The following DOCK8 variants were observed in gnomAD, a reference collection of about 807,000 sequenced individuals.
The protein encoded by DOCK8 is dedicator of cytokinesis 8.
DOCK8 carries 141 observed loss-of-function variants against 245.6 expected under a neutral mutation model. The ratio of observed to expected loss-of-function variants is 0.57; its 90% CI spans 0.50 to 0.66. DOCK8 has a LOEUF of 0.66. Among genes scored for constraint, DOCK8 ranks in the 30% least tolerant of loss-of-function variants. DOCK8 has a pLI of 0.00. For missense variants in DOCK8, 2,965 were observed against 2,603.4 expected (o/e 1.14, Z -3.02); for synonymous variants, 1,168 against 970.2 (o/e 1.20, Z -3.79).
intron 2 of DOCK8, among the ~76,000 whole-genome samples, chr9:274,567 C>T (rs2048272211): frequency 1.4e-5 from 2 of 147,656 alleles, no homozygotes; most frequent in African/African-American, 2.5e-5. Flanking sequence ...GTTGTAATGT[C>T]AGAATGAAGT....
chr9:397,123 C>A (rs1198396512), intron 25 of DOCK8, among the ~76,000 whole-genome samples, 189 bp downstream of exon 25: 1 of 152,064 alleles, frequency 6.6e-6, no homozygotes, highest in Non-Finnish European at 1.5e-5. Flanking sequence ...ACAAATTACA[C>A]ACATGAGGCC....
intron 33 of DOCK8, among the ~76,000 whole-genome samples, chr9:426,018 AT>A (rs2056485923): frequency 6.6e-6 from 1 of 152,140 alleles, no homozygotes; most frequent in South Asian, 2.1e-4. Flanking sequence ...TGATATAATG[AT>A]ACCCCAACCC....
intron 1 of DOCK8, among the ~76,000 whole-genome samples, chr9:223,184 G>C (rs995148994): frequency 1.3e-5 from 2 of 152,142 alleles, no homozygotes; most frequent in African/African-American, 2.4e-5. Flanking sequence ...CTGTGATAGA[G>C]ACCAAAAATA....
intron 46 of DOCK8, among the ~76,000 whole-genome samples, chr9:462,153 T>C (rs1418974465): frequency 6.6e-6 from 1 of 152,208 alleles, no homozygotes; most frequent in African/African-American, 2.4e-5. Flanking sequence ...TAATTTTTTA[T>C]TGTGAGCTCA....
upstream of DOCK8, among the ~76,000 whole-genome samples, chr9:212,228 A>T (rs985246334): frequency 6.6e-6 from 1 of 152,204 alleles, no homozygotes; most frequent in Non-Finnish European, 1.5e-5. Flanking sequence ...TGTTCAATAA[A>T]ATAGGTAAGA....
At chr9:234,851 T>C (rs1192387847) in intron 1 of DOCK8, among the ~76,000 whole-genome samples, 6 of 152,172 alleles carry the variant, frequency 3.9e-5, no homozygotes, top group Non-Finnish European at 8.8e-5. Context: ...AATTTCCTCC[T>C]GTAGCTCAGA....
intron 1 of DOCK8, among the ~76,000 whole-genome samples, chr9:267,316 C>G (rs1007460681): frequency 1.3e-5 from 2 of 152,182 alleles, no homozygotes; most frequent in East Asian, 3.8e-4. Flanking sequence ...AGCAATCCTC[C>G]CACCTCAGCC....
At chr9:314,353 A>G (rs922741502) in intron 6 of DOCK8, 1 of 152,248 alleles carries the variant, frequency 6.6e-6, no homozygotes, top group Non-Finnish European at 1.5e-5. Context: ...GAAGAGAGAG[A>G]ACAATTAAAG....
intron 32 of DOCK8, 40 bp from the exon 33 acceptor site, chr9:422,007 CA>C (rs762377308): frequency 7.8e-6 from 12 of 1,529,364 alleles, no homozygotes; most frequent in Non-Finnish European, 1.1e-5. Context: ...TGGAGGGTTT[CA>C]TGCTAATCAA....
At chr9:346,910 G>A (rs773974632) in intron 14 of DOCK8, among the ~76,000 whole-genome samples, 4 of 151,932 alleles carry the variant, frequency 2.6e-5, no homozygotes, top group Non-Finnish European at 5.9e-5. Context: ...TTAGGAAGAG[G>A]GGCAGGACAT....
At chr9:263,818 G>T (rs1256834446) in intron 1 of DOCK8, among the ~76,000 whole-genome samples, 1 of 152,160 alleles carries the variant, frequency 6.6e-6, no homozygotes, top group Non-Finnish European at 1.5e-5. Context: ...AGTTAATTTT[G>T]TTGGTTGCAT....
Position 300,338 on chromosome 9 carries a change from C to T in DOCK8, c.405-4243C>T, listed in dbSNP as rs534444361. ...TTACTTTATCTATCTGGCATTTGATCTACCTAATACCTTCCAATATCACCT... is the reference window on the plus strand; with the variant it reads ...TTACTTTATCTATCTGGCATTTGATTTACCTAATACCTTCCAATATCACCT... On this transcript the variant is annotated intron_variant, in intron 4 of 47. Coordinates refer to ENST00000432829, the MANE Select transcript of DOCK8 (RefSeq NM_203447.4). Among the ~76,000 whole-genome samples, 18 of 152,222 alleles carry T rather than the reference C, an allele frequency of 1.2e-4. No individual in the cohort carries two copies. The South Asian group carries it at 3.1e-3, about 26-fold the overall frequency.
chr9:304,976 A>G (rs1286710167), intron 5 of DOCK8, among the ~76,000 whole-genome samples: 2 of 152,178 alleles, frequency 1.3e-5, no homozygotes, highest in African/African-American at 2.4e-5. Flanking sequence ...CATCCCTACG[A>G]CAGTTCCTGC....
chr9:315,610 T>C lies in DOCK8; in HGVS notation c.742-1433T>C, dbSNP rs1471492241. ...AGATATGTACTGAAATATTTATATA[T>C]GTATATGGTCTCTGGGAAGTTGCTT... On this transcript the variant is annotated intron_variant, in intron 6 of 47. Coordinates refer to ENST00000432829, the MANE Select transcript of DOCK8 (RefSeq NM_203447.4). Among the ~76,000 whole-genome samples the C allele has an allele frequency of 2.6e-5, 4 of 152,210 alleles. No individual in the cohort carries two copies. The East Asian group carries it at 7.7e-4, about 29-fold the overall frequency.
chr9:456,662 A>G (rs1182259568), intron 46 of DOCK8: 2 of 152,172 alleles, frequency 1.3e-5, no homozygotes, highest in Non-Finnish European at 2.9e-5. Flanking sequence ...CAACTCTTCA[A>G]ACTGTTACCA....
At chr9:358,931 C>T (rs963468594) in intron 14 of DOCK8, among the ~76,000 whole-genome samples, 17 of 152,188 alleles carry the variant, frequency 1.1e-4, no homozygotes, top group African/African-American at 4.1e-4. Context: ...TCACAATGAA[C>T]GATAAGATTC....
chr9:365,714 G>T (rs1162961520), intron 14 of DOCK8: 1 of 438,696 alleles, frequency 2.3e-6, no homozygotes, highest in Non-Finnish European at 4.5e-6. Context: ...AGAAGCAAAA[G>T]CTGGATTCAA....
At chr9:325,570 A>G (rs2050728189) in intron 7 of DOCK8, 101 bp from the exon 8 acceptor site, 5 of 951,336 alleles carry the variant, frequency 5.3e-6, no homozygotes, top group Non-Finnish European at 8.6e-6. Context: ...ATTTCGGGAA[A>G]CTGCTCATAT....
intron 1 of DOCK8, among the ~76,000 whole-genome samples, chr9:235,911 T>G (rs532441031): frequency 6.6e-6 from 1 of 152,352 alleles, no homozygotes; most frequent in East Asian, 1.9e-4. Flanking sequence ...CCCACTGTCC[T>G]GTACCTACTG....
Sources: allele counts gnomAD v4.1 joint callset (sites outside exome capture counted in the v4.1 genomes callset), GRCh38; gene constraint gnomAD v4.1.1; transcripts MANE v1.5; gene names NCBI Gene and HGNC (gene_info 2026-07-23, HGNC 2026-07-21).